Variants in NAV3 observed in about 807,000 individuals in gnomAD.
NAV3 encodes the protein neuron navigator 3.
Under a neutral mutation model 244.7 loss-of-function variants are expected in NAV3, and 87 were observed. The observed-to-expected ratio is 0.36, with a 90% CI of 0.30 to 0.42. The LOEUF is 0.42. Ranked by LOEUF, NAV3 falls within the 20% of genes least tolerant of loss-of-function variation. The probability of loss-of-function intolerance (pLI) is 1.00; values close to 1 mark genes in which losing one functional copy is unlikely to be tolerated. For missense variants in NAV3, 2,663 were observed against 2,893.3 expected, an observed-to-expected ratio of 0.92 and a Z score of 1.83; for synonymous variants, 1,126 against 1,042.2, an observed-to-expected ratio of 1.08 and a Z score of -1.55.
chr12:77,762,322 A>AAT (rs1869511223), intron 2 of NAV3, among the ~76,000 whole-genome samples: 1 of 152,170 alleles, frequency 6.6e-6, no homozygotes, highest in Non-Finnish European at 1.5e-5. Context: ...AGAAATACCT[A>AAT]ATATAGATGA....
At chr12:77,607,313 C>T (rs570836401) in intron 2 of NAV3, among the ~76,000 whole-genome samples, 51 of 152,174 alleles carry the variant, frequency 3.4e-4, no homozygotes, top group African/African-American at 1.1e-3. Flanking sequence ...TAGACCCTAC[C>T]GGGCTATCCC....
chr12:77,836,841 T>C (rs1156666100), intron 1 of NAV3, among the ~76,000 whole-genome samples: 1 of 152,138 alleles, frequency 6.6e-6, no homozygotes, highest in African/African-American at 2.4e-5. Context: ...AGAAATTTAT[T>C]CAAAGAGTAG....
At chr12:77,896,990 G>A (rs1884698273) in intron 1 of NAV3, among the ~76,000 whole-genome samples, 1 of 152,154 alleles carries the variant, frequency 6.6e-6, no homozygotes, top group Admixed American at 6.5e-5. Context: ...AGTGTGGTCT[G>A]TTGACCAGAG....
rs138730469 is a variant in NAV3, at chr12:77,729,845, G to T, written c.72+157579G>T. Among the ~76,000 whole-genome samples the T allele has an allele frequency of 1.9e-3, 283 of 151,980 alleles. 4 individuals carry two copies. The highest frequency in any genetic ancestry group is 6.6e-3 in the African/African-American group (272 of 41,500). Reference sequence around the variant, plus strand: ...GACACAATAGAGGGCCTGAAAACAAGATAATTGATGAAAAATCTAGATACC... The same window carrying T: ...GACACAATAGAGGGCCTGAAAACAATATAATTGATGAAAAATCTAGATACC... On this transcript the variant is annotated intron_variant, in intron 2 of 8. Coordinates refer to the NAV3 transcript ENST00000550042.
chr12:77,678,322 G>GT (rs145260299), intron 2 of NAV3, among the ~76,000 whole-genome samples: 54 of 151,918 alleles, frequency 3.6e-4, no homozygotes, highest in African/African-American at 9.7e-4. Context: ...ATTGACTGTT[G>GT]TTTTTTTTAA....
At chr12:77,875,938 G>T (rs1325488125) in intron 1 of NAV3, among the ~76,000 whole-genome samples, 1 of 152,018 alleles carries the variant, frequency 6.6e-6, no homozygotes, top group Admixed American at 6.6e-5. Context: ...TTTTCAGGGA[G>T]TAACTTTGTG....
intron 7 of NAV3, among the ~76,000 whole-genome samples, chr12:78,004,810 C>T (rs528623952): frequency 2.9e-4 from 44 of 152,098 alleles, no homozygotes; most frequent in African/African-American, 7.5e-4. Context: ...AGATTTAGAG[C>T]GGAGCTTCAG....
chr12:77,603,706 G>A (rs1870541562), intron 2 of NAV3, among the ~76,000 whole-genome samples: 1 of 152,006 alleles, frequency 6.6e-6, no homozygotes, highest in Non-Finnish European at 1.5e-5. Flanking sequence ...GGGAGAGGCA[G>A]GATTGAACCT....
intron 23 of NAV3, among the ~76,000 whole-genome samples, chr12:78,164,131 T>A (rs970322953): frequency 1.3e-5 from 2 of 152,118 alleles, no homozygotes; most frequent in African/African-American, 4.8e-5. Context: ...TCAAATTTAC[T>A]AAAGCTATAT....
At chr12:78,191,068 A>T (rs1263664189) in intron 34 of NAV3, among the ~76,000 whole-genome samples, 3 of 152,142 alleles carry the variant, frequency 2.0e-5, no homozygotes, top group Admixed American at 6.6e-5. Flanking sequence ...TTCAAGGATA[A>T]CCTGGTTCAA....
chr12:77,615,361 A>C (rs1871106391), intron 2 of NAV3, among the ~76,000 whole-genome samples: 1 of 152,120 alleles, frequency 6.6e-6, no homozygotes, highest in South Asian at 2.1e-4. Context: ...GATAGTGATC[A>C]TGATAGTACC....
intron 2 of NAV3, among the ~76,000 whole-genome samples, chr12:77,619,728 C>G (rs1161294886): frequency 6.6e-6 from 1 of 151,780 alleles, no homozygotes; most frequent in East Asian, 1.9e-4. Context: ...GTGTGAATTA[C>G]TTTCTGTAAA....
intron 20 of NAV3, among the ~76,000 whole-genome samples, chr12:78,144,068 C>A (rs1016961504): frequency 6.6e-6 from 1 of 152,072 alleles, no homozygotes; most frequent in African/African-American, 2.4e-5. Flanking sequence ...TTAGCCTTGT[C>A]CTGTTAGGCA....
At chr12:77,945,829 C>T (rs1404633753) in intron 3 of NAV3, among the ~76,000 whole-genome samples, 1 of 151,806 alleles carries the variant, frequency 6.6e-6, no homozygotes, top group Admixed American at 6.6e-5. Context: ...CTCACTGCAA[C>T]CTCCACCTCC....
chr12:78,036,724 T>C, intron 9 of NAV3: 2 of 588,886 alleles, frequency 3.4e-6, no homozygotes, highest in Non-Finnish European at 6.1e-6. Context: ...ATACTATATC[T>C]CTAGAATCTT....
At chr12:78,197,684 T>C (rs1594014825) in intron 35 of NAV3, among the ~76,000 whole-genome samples, 1 of 151,846 alleles carries the variant, frequency 6.6e-6, no homozygotes, top group South Asian at 2.1e-4. Context: ...TCTTTAATAT[T>C]ATACCACAGT....
rs552837524 is a variant in NAV3, at chr12:77,949,091, G to A, written c.414+7958G>A. 2.0e-5 allele frequency among the ~76,000 whole-genome samples: 3 copies of A among 152,012 alleles called. No homozygotes were observed. The South Asian group carries it at 6.2e-4, about 31-fold the overall frequency. ...CACAGAAAATATATTGACATTCCTT[G>A]TTACACTCTGAAAAATCGTATTTCA... On this transcript the variant is annotated intron_variant, in intron 3 of 39. Transcript: ENST00000397909.
intron 2 of NAV3, among the ~76,000 whole-genome samples, chr12:77,806,054 T>G (rs1871961996): frequency 6.6e-6 from 1 of 152,206 alleles, no homozygotes; most frequent in South Asian, 2.1e-4. Flanking sequence ...GATTCTTCTC[T>G]CTTTTCATCT....
intron 11 of NAV3, chr12:78,052,244 T>C (rs958458902): frequency 1.3e-5 from 2 of 152,226 alleles, no homozygotes; most frequent in Non-Finnish European, 2.9e-5. Flanking sequence ...CAAAATAGCT[T>C]TTGATTACAT....
Sources: gnomAD v4.1 joint callset for allele counts (sites outside exome capture counted in the v4.1 genomes callset) on GRCh38, gnomAD v4.1.1 for gene constraint, MANE v1.5 for transcripts, NCBI Gene and HGNC (gene_info 2026-07-23, HGNC 2026-07-21) for gene names.